The following DNHD1 variants were observed in gnomAD, a reference collection of about 807,000 sequenced individuals.
The protein encoded by DNHD1 is dynein heavy chain domain 1.
A neutral mutation model predicts 458.1 loss-of-function variants in DNHD1; 383 were observed. The observed-to-expected ratio is 0.84, with a 90% CI of 0.77 to 0.91. The LOEUF is 0.91. Ranked by LOEUF, DNHD1 falls within the 40% of genes least tolerant of loss-of-function variation. DNHD1 has a pLI of 0.00. For synonymous variants in DNHD1, 2,203 were observed against 2,376.9 expected, an observed-to-expected ratio of 0.93 and a Z score of 2.13; for missense variants, 5,336 against 5,866.1, an observed-to-expected ratio of 0.91 and a Z score of 2.95.
At position 6,571,078 on chromosome 11, in the gene DNHD1, T is replaced by C; in HGVS notation, c.13566T>C (p.Ala4522=). ...CCCCGTGCCCCTCCCGCCGCTGTGC[T>C]GCGGTGGCCCACGCTCTCTGGACTG... The part of the protein sequence containing the change: ...GAPPCPSRRC[A]AVAHALWTGR... The change falls in exon 42 of 43, where the codon GCT becomes GCC. Residue 4522 remains alanine (A), a synonymous_variant. Transcript: ENST00000254579. This position sits in a 1 kb window ranked among gnomAD's most constrained non-coding sequence, Gnocchi z 5.0. 1 of 1,586,888 alleles carries C rather than the reference T, an allele frequency of 6.3e-7. No homozygotes were observed. Among genetic ancestry groups the C allele is most frequent in the East Asian group, 2.2e-5 (1 of 44,508 alleles).
At position 6,571,515 on chromosome 11, in the gene DNHD1, C is replaced by T. The variant is rs1853851470; in HGVS notation, c.13911+92C>T. ...TACCCCTTCTTGGTGATCTTGCCCC[C>T]GGTAACCCTGCTAGCTTCTCCGATC... On this transcript the variant is annotated intron_variant, in intron 42 of 42. Coordinates refer to ENST00000254579, the MANE Select transcript of DNHD1 (RefSeq NM_144666.3). This position sits in a 1 kb window ranked among gnomAD's most constrained non-coding sequence, Gnocchi z 5.0. 4 of 1,463,424 alleles carry T rather than the reference C, an allele frequency of 2.7e-6. No individual in the cohort carries two copies. Among genetic ancestry groups the T allele is most frequent in the Admixed American group, 4.8e-5 (2 of 41,848 alleles). 90.7% of individuals were successfully genotyped at this position (1,463,424 alleles called of 1,614,324 possible). A position where few individuals can be genotyped will look rare whatever the true frequency, so the allele number is the denominator to read the frequency against.
In DNHD1 at chr11:6,519,668, G is replaced by T; in HGVS notation, c.1461G>T (p.Arg487Ser). The T allele has an allele frequency of 6.2e-7, 1 of 1,614,184 alleles. No homozygotes were observed. Among genetic ancestry groups the T allele is most frequent in the Non-Finnish European group, 8.5e-7 (1 of 1,180,046 alleles). The change falls in exon 8 of 43, where the codon AGG becomes AGT. Residue 487 changes from arginine (R) to serine (S), a missense_variant. Coordinates refer to ENST00000254579, the MANE Select transcript of DNHD1 (RefSeq NM_144666.3). The stretch of plus-strand genomic sequence containing the variant: ...GAGTACAAAACTGTGACAGGATCAG[G>T]ACAGGCCAAGGCTCCATATACCTTC... Reference protein sequence around the residue: ...QERVQNCDRIRTGQGSIYLQR... With the variant: ...QERVQNCDRISTGQGSIYLQR...
intron 14 of DNHD1, among the ~76,000 whole-genome samples, chr11:6,536,192 AAAG>A (rs1306129735): frequency 1.3e-5 from 2 of 152,226 alleles, no homozygotes; most frequent in African/African-American, 4.8e-5. Context: ...GTTACAAAAG[AAAG>A]AAAGGCTATG....
chr11:6,544,213 G>A lies in DNHD1; in HGVS notation c.3721G>A (p.Ala1241Thr), dbSNP rs1853158592. ...IEKSGDLNKI[A>T]LEWVAIMHGL... ...AAAGTCAGGAGATTTAAACAAAATA[G>A]CTTTGGAGTGGGTGGCCATCATGCA... The change falls in exon 19 of 43, where the codon GCT (alanine) becomes ACT (threonine). Residue 1241 changes from alanine to threonine, a missense_variant. Ala to Thr is a moderately conservative substitution (Grantham distance 58). Coordinates refer to ENST00000254579, the MANE Select transcript of DNHD1 (RefSeq NM_144666.3). 1.3e-6 allele frequency: 2 copies of A among 1,551,450 alleles called. No homozygotes were observed. The highest frequency in any genetic ancestry group is 2.7e-5 in the African/African-American group (2 of 73,010).
intron 33 of DNHD1, 67 bp from the exon 34 acceptor site, chr11:6,566,174 G>C: frequency 6.5e-7 from 1 of 1,530,178 alleles, no homozygotes. Context: ...GCCAGACCTC[G>C]TGCCTGGGGA....
chr11:6,547,407 A>G lies in DNHD1; in HGVS notation c.6468A>G (p.Ile2156Met), dbSNP rs1343911559. 3 of 1,551,574 alleles carry G rather than the reference A, an allele frequency of 1.9e-6. No individual in the cohort carries two copies. Among genetic ancestry groups the G allele is most frequent in the South Asian group, 2.4e-5 (2 of 84,064 alleles). ...GTGGAGAGCAGACTTGGCAGTGTAT[A>G]CTTAGTGCCCTGATGGCATCCCTTC... Reference protein sequence around the residue: ...WCGGEQTWQCILSALMASLPY... With the variant: ...WCGGEQTWQCMLSALMASLPY... Residue 2156 changes from isoleucine (I) to methionine (M), a missense_variant, in exon 21 of 43, where the codon ATA (isoleucine) becomes ATG (methionine). Ile to Met is a conservative substitution (Grantham distance 10). Coordinates refer to ENST00000254579, the MANE Select transcript of DNHD1 (RefSeq NM_144666.3).
rs946518848 is a variant in DNHD1, at chr11:6,548,928, C to T, written c.7382C>T (p.Thr2461Ile). Reference sequence around the variant, plus strand: ...TTGCTGGAGGACCTGCACCTAGCCACTTCTGGTGAGGAGCTGCGAAGAGGG... The same window carrying T: ...TTGCTGGAGGACCTGCACCTAGCCATTTCTGGTGAGGAGCTGCGAAGAGGG... ...LFLLEDLHLA[T>I]SDPEKSCQPV... is the part of the protein sequence containing the mutation. The change falls in exon 24 of 43, where the codon ACT becomes ATT. Residue 2461 changes from threonine (T) to isoleucine (I), a missense_variant. Transcript: ENST00000254579. This position sits in a 1 kb window ranked among gnomAD's most constrained non-coding sequence, Gnocchi z 4.4. The T allele has an allele frequency of 1.9e-6, 3 of 1,551,474 alleles. No homozygotes were observed. The highest frequency in any genetic ancestry group is 2.7e-5 in the African/African-American group (2 of 73,040).
At chr11:6,569,922 G>C in intron 39 of DNHD1, 87 bp from the exon 40 acceptor site, 1 of 1,142,800 alleles carries the variant, frequency 8.8e-7, no homozygotes, top group South Asian at 1.4e-5. Flanking sequence ...CGAAGCTCAG[G>C]AGAGAGGTTT....
intron 10 of DNHD1, among the ~76,000 whole-genome samples, chr11:6,527,846 CAATT>C (rs983487672): frequency 2.0e-4 from 30 of 152,300 alleles, no homozygotes; most frequent in Non-Finnish European, 2.1e-4. Flanking sequence ...CTAAACTTGT[CAATT>C]AACCAGTTCC....
At chr11:6,550,269 A>C (rs1328940491) in intron 24 of DNHD1, among the ~76,000 whole-genome samples, 1 of 152,212 alleles carries the variant, frequency 6.6e-6, no homozygotes, top group African/African-American at 2.4e-5. Flanking sequence ...ACCAAGATTA[A>C]AATTCAAGTC....
In DNHD1 at chr11:6,565,791, C is replaced by A. The variant is rs1377944834; in HGVS notation, c.10853C>A (p.Thr3618Lys). 3.9e-6 allele frequency: 6 copies of A among 1,551,258 alleles called. No individual in the cohort carries two copies. The East Asian group carries it at 9.8e-5, about 25-fold the overall frequency. ...SEESNEAEDQ[T>K]KEQKAEERKN... Reference sequence around the variant, plus strand: ...GAGAGTAATGAGGCTGAGGACCAGACAAAAGAGCAGAAGGCAGAGGAAAGA... The same window carrying A: ...GAGAGTAATGAGGCTGAGGACCAGAAAAAAGAGCAGAAGGCAGAGGAAAGA... The change falls in exon 33 of 43, where the codon ACA (threonine) becomes AAA (lysine). Residue 3618 changes from threonine (T) to lysine (K), a missense_variant. Thr to Lys is a moderately conservative substitution (Grantham distance 78). Coordinates refer to ENST00000254579, the MANE Select transcript of DNHD1 (RefSeq NM_144666.3).
At chr11:6,525,970 A>G (rs751998067) in intron 10 of DNHD1, among the ~76,000 whole-genome samples, 1 of 151,828 alleles carries the variant, frequency 6.6e-6, no homozygotes, top group Non-Finnish European at 1.5e-5. Flanking sequence ...GTGGCTTTAT[A>G]TCTTTTTTTA....
Position 6,528,976 on chromosome 11 carries a change from CAT to C in DNHD1, c.2203_2204del (p.Met735GlufsTer39). On this transcript the variant is annotated frameshift_variant, in exon 12 of 43. Coordinates refer to ENST00000254579, the MANE Select transcript of DNHD1 (RefSeq NM_144666.3). LOFTEE classifies it high-confidence loss of function. ...CCTGGGGGCCTCAGAAGCTGGAAGA[CAT>C]GAGAGGTGGTCCCATCAAGAACTAC... ...QSWGPQKLED[M>X]RGGPIKNYVT... is the part of the protein sequence containing the mutation. 6.4e-7 allele frequency: 1 copy of C among 1,551,656 alleles called. No individual in the cohort carries two copies.
rs1853830465 is a variant in DNHD1, at chr11:6,570,866, T to A, written c.13354T>A (p.Ser4452Thr). ...RLVQVNRRLESLQDLLTHVIR... is the reference protein window; with the variant it reads ...RLVQVNRRLETLQDLLTHVIR... ...AGTGCAAGTCAACCGGAGGCTGGAGTCACTGCAGGATCTGCTGACCCACGT... is the reference window on the plus strand; with the variant it reads ...AGTGCAAGTCAACCGGAGGCTGGAGACACTGCAGGATCTGCTGACCCACGT... Residue 4452 changes from serine (S) to threonine (T), a missense_variant, in exon 42 of 43, where the codon TCA (serine) becomes ACA (threonine). By Grantham distance (58) the Ser-to-Thr change is moderately conservative (BLOSUM62 1). Coordinates refer to ENST00000254579, the MANE Select transcript of DNHD1 (RefSeq NM_144666.3). 2 of 1,613,854 alleles carry A rather than the reference T, an allele frequency of 1.2e-6. No individual in the cohort carries two copies. Among genetic ancestry groups the A allele is most frequent in the Admixed American group, 3.3e-5 (2 of 60,004 alleles).
At chr11:6,562,883 A>G in intron 28 of DNHD1, 99 bp from the exon 29 acceptor site, 1 of 1,383,246 alleles carries the variant, frequency 7.2e-7, no homozygotes, top group Non-Finnish European at 9.7e-7. Flanking sequence ...TCAGTCTTTC[A>G]AGTGAGGAGT....
Position 6,565,754 on chromosome 11 carries a change from G to A in DNHD1, c.10816G>A (p.Asp3606Asn). The A allele has an allele frequency of 6.4e-7, 1 of 1,551,414 alleles. No homozygotes were observed. Among genetic ancestry groups the A allele is most frequent in the Non-Finnish European group, 8.7e-7 (1 of 1,146,984 alleles). Residue 3606 changes from aspartate (D) to asparagine (N), a missense_variant, in exon 33 of 43, where the codon GAT becomes AAT. Physicochemically the swap from Asp to Asn is conservative, Grantham distance 23. Coordinates refer to ENST00000254579, the MANE Select transcript of DNHD1 (RefSeq NM_144666.3). ...ESKTDMKEED[D>N]ESEESNEAED... is the part of the protein sequence containing the mutation. ...TAAAACGGACATGAAAGAGGAAGAT[G>A]ATGAGAGTGAAGAGAGTAATGAGGC... is the stretch of plus-strand genomic sequence containing the variant.
In DNHD1 at chr11:6,538,636, A is replaced by G; in HGVS notation, c.3151A>G (p.Lys1051Glu). 1 of 1,545,618 alleles carries G rather than the reference A, an allele frequency of 6.5e-7. No individual in the cohort carries two copies. Among genetic ancestry groups the G allele is most frequent in the Non-Finnish European group, 8.8e-7 (1 of 1,142,762 alleles). The change falls in exon 16 of 43, where the codon AAG becomes GAG. Residue 1051 changes from lysine to glutamate, a missense_variant. By Grantham distance (56) the Lys-to-Glu change is moderately conservative. Around this residue, in one of 4 missense-constraint regions of DNHD1, gnomAD observed 3,932 missense variants for 4,365.6 expected, o/e 0.90. Coordinates refer to ENST00000254579, the MANE Select transcript of DNHD1 (RefSeq NM_144666.3). ...GTTCAGCCCAGCTATGGCCCAGGAG[A>G]AGACAGAGGGCTGGCTGACAGAGGC... ...AKFSPAMAQE[K>E]TEGWLTEAAR...
rs1853753874 is a variant in DNHD1, at chr11:6,568,153, A to T, written c.12449A>T (p.His4150Leu). 22 of 1,556,912 alleles carry T rather than the reference A, an allele frequency of 1.4e-5. No individual in the cohort carries two copies. The East Asian group carries it at 5.3e-4, about 38-fold the overall frequency. ...CTATCCCAGGCTATGTATGAGGGGC[A>T]CTGGCTGGTGCTGGACAACTGTCAT... ...STLSQAMYEGHWLVLDNCHLM... is the reference protein window; with the variant it reads ...STLSQAMYEGLWLVLDNCHLM... Residue 4150 changes from histidine (H) to leucine (L), a missense_variant, in exon 37 of 43, where the codon CAC becomes CTC. Physicochemically the swap from His to Leu is moderately conservative, Grantham distance 99. This residue lies in a region of DNHD1 where 695 missense variants were observed against 804.2 expected (regional missense o/e 0.86). Coordinates refer to ENST00000254579, the MANE Select transcript of DNHD1 (RefSeq NM_144666.3).
intron 3 of DNHD1, among the ~76,000 whole-genome samples, chr11:6,501,689 C>G (rs1330087300): frequency 2.0e-5 from 3 of 152,070 alleles, no homozygotes; most frequent in Admixed American, 6.6e-5. Context: ...AAAGAGGTAG[C>G]TGTCTGAGGA....
Sources: gnomAD v4.1 joint callset for allele counts (sites outside exome capture counted in the v4.1 genomes callset) on GRCh38, gnomAD v4.1.1 for gene constraint, gnomAD v4.1.1 regional missense constraint, Gnocchi (gnomAD v3.1) non-coding constraint, MANE v1.5 for transcripts, NCBI Gene and HGNC (gene_info 2026-07-23, HGNC 2026-07-21) for gene names.